Variants in RALYL observed in about 807,000 individuals in gnomAD.
RALYL encodes the protein RALY RNA binding protein like, also known as RNA-binding Raly-like protein.
In RALYL, 29 loss-of-function variants were observed where a neutral mutation model predicts 35.1. The observed-to-expected ratio is 0.83, with a 90% CI of 0.61 to 1.13. The LOEUF is 1.13. Ranked by LOEUF, RALYL falls within the 50% of genes most tolerant of loss-of-function variation. The probability of loss-of-function intolerance (pLI) is 0.00; values close to 1 mark genes in which losing one functional copy is unlikely to be tolerated. For synonymous variants in RALYL, 120 were observed against 127.6 expected, an observed-to-expected ratio of 0.94 and a Z score of 0.40; for missense variants, 359 against 360.4, an observed-to-expected ratio of 1.00 and a Z score of 0.03.
chr8:84,786,860 T>C (rs1197157506), intron 3 of RALYL, among the ~76,000 whole-genome samples: 1 of 152,162 alleles, frequency 6.6e-6, no homozygotes, highest in East Asian at 1.9e-4. Flanking sequence ...AATTTTGGCT[T>C]TTGCTGTGAT....
At chr8:84,905,659 C>A (rs1419566467) in intron 8 of RALYL, among the ~76,000 whole-genome samples, 1 of 151,038 alleles carries the variant, frequency 6.6e-6, no homozygotes, top group Admixed American at 6.6e-5. Context: ...CAACAATGTT[C>A]TATTCCTTGA....
At chr8:84,419,735 C>G (rs1306554789) in intron 1 of RALYL, among the ~76,000 whole-genome samples, 2 of 136,080 alleles carry the variant, frequency 1.5e-5, no homozygotes, top group Non-Finnish European at 3.1e-5. Flanking sequence ...TGTGATATTC[C>G]CCTTCCTGTG....
chr8:84,239,671 A>C (rs1246491389), intron 1 of RALYL, among the ~76,000 whole-genome samples: 1 of 152,134 alleles, frequency 6.6e-6, no homozygotes, highest in South Asian at 2.1e-4. Context: ...CGGGCAGGTC[A>C]TCTGAGATCA....
At chr8:84,303,189 G>C (rs1272975133) in intron 1 of RALYL, among the ~76,000 whole-genome samples, 3 of 152,144 alleles carry the variant, frequency 2.0e-5, no homozygotes, top group Non-Finnish European at 4.4e-5. Flanking sequence ...AAATAGCAGA[G>C]CATCTGGAAC....
At chr8:84,250,309 T>C (rs2131662786) in intron 1 of RALYL, among the ~76,000 whole-genome samples, 1 of 152,232 alleles carries the variant, frequency 6.6e-6, no homozygotes, top group South Asian at 2.1e-4. Flanking sequence ...ATACATATTT[T>C]GTTTAATTTA....
chr8:84,328,524 G>A (rs1446229970), intron 1 of RALYL, among the ~76,000 whole-genome samples: 3 of 152,122 alleles, frequency 2.0e-5, no homozygotes, highest in Admixed American at 2.0e-4. Context: ...GGCTTGCCAT[G>A]GCAAATATGT....
At chr8:84,913,030 G>GGGTA (rs1200070224) in intron 8 of RALYL, among the ~76,000 whole-genome samples, 12 of 76,156 alleles carry the variant, frequency 1.6e-4, no homozygotes, top group Admixed American at 5.1e-4. Context: ...ATGGATGGAT[G>GGGTA]GATAGGTAGG....
At chr8:84,431,302 G>A (rs895777449) in intron 1 of RALYL, among the ~76,000 whole-genome samples, 2 of 152,056 alleles carry the variant, frequency 1.3e-5, no homozygotes, top group African/African-American at 4.8e-5. Context: ...CACAAATTGT[G>A]CACTTGGCCA....
chr8:84,603,367 T>C (rs1816402684), intron 2 of RALYL, among the ~76,000 whole-genome samples: 1 of 152,150 alleles, frequency 6.6e-6, no homozygotes, highest in Non-Finnish European at 1.5e-5. Flanking sequence ...TTCCTCCTTT[T>C]GTCTTTGTCA....
intron 1 of RALYL, among the ~76,000 whole-genome samples, chr8:84,509,941 G>A (rs2057471916): frequency 6.6e-6 from 1 of 152,106 alleles, no homozygotes; most frequent in Non-Finnish European, 1.5e-5. Context: ...TCAAAGTTGG[G>A]TTGTGTCCCT....
At chr8:84,406,061 TA>T (rs60532162) in intron 1 of RALYL, among the ~76,000 whole-genome samples, 1,588 of 127,134 alleles carry the variant, frequency 0.012, 13 homozygotes, top group African/African-American at 0.026. Context: ...ATACCTAAAG[TA>T]AAAAAAAAAA....
chr8:84,543,978 C>T (rs561635514), intron 2 of RALYL, among the ~76,000 whole-genome samples: 262 of 152,130 alleles, frequency 1.7e-3, no homozygotes, highest in Non-Finnish European at 2.7e-3. Flanking sequence ...TCCCACAATA[C>T]ACCTATAAGT....
intron 1 of RALYL, among the ~76,000 whole-genome samples, chr8:84,461,313 A>C (rs2050743582): frequency 6.6e-6 from 1 of 151,694 alleles, no homozygotes; most frequent in African/African-American, 2.4e-5. Flanking sequence ...ATCTGTTATC[A>C]TAAATAAAAT....
intron 1 of RALYL, among the ~76,000 whole-genome samples, chr8:84,486,857 A>C (rs1340379408): frequency 1.3e-5 from 2 of 152,118 alleles, no homozygotes; most frequent in African/African-American, 2.4e-5. Context: ...CTCTTAAAAA[A>C]TTTGTAAGTG....
At chr8:84,705,227 G>T (rs1309750283) in intron 2 of RALYL, among the ~76,000 whole-genome samples, 3 of 152,128 alleles carry the variant, frequency 2.0e-5, no homozygotes, top group African/African-American at 7.2e-5. Context: ...GAGTGACAGT[G>T]TGAAACATAT....
intron 1 of RALYL, among the ~76,000 whole-genome samples, chr8:84,224,200 C>T (rs1396459335): frequency 2.0e-5 from 3 of 152,266 alleles, no homozygotes; most frequent in Non-Finnish European, 2.9e-5. Context: ...GCAATATTTT[C>T]GTCCACATCA....
intron 4 of RALYL, among the ~76,000 whole-genome samples, chr8:84,819,949 T>C (rs1351611329): frequency 2.0e-5 from 3 of 152,106 alleles, no homozygotes; most frequent in Non-Finnish European, 4.4e-5. Context: ...ACTTCAAAAA[T>C]TGGTATCATC....
chr8:84,237,078 C>T (rs1037531480), intron 1 of RALYL, among the ~76,000 whole-genome samples: 2 of 152,100 alleles, frequency 1.3e-5, no homozygotes, highest in African/African-American at 4.8e-5. Context: ...TCTTTTCAAG[C>T]AAGCTTACAG....
chr8:84,638,577 A>G (rs1825558917), intron 2 of RALYL, among the ~76,000 whole-genome samples: 1 of 151,822 alleles, frequency 6.6e-6, no homozygotes, highest in Non-Finnish European at 1.5e-5. Flanking sequence ...TTAACCAAGA[A>G]AAAAGAGAAA....
Sources: allele counts gnomAD v4.1 joint callset (sites outside exome capture counted in the v4.1 genomes callset), GRCh38; gene constraint gnomAD v4.1.1; transcripts MANE v1.5; gene names NCBI Gene and HGNC (gene_info 2026-07-23, HGNC 2026-07-21).